Variants in PCDHA3 observed in about 807,000 individuals in gnomAD.
The protein encoded by PCDHA3 is protocadherin alpha 3.
In PCDHA3, 41 loss-of-function variants were observed where a neutral mutation model predicts 62.2. The observed-to-expected ratio is 0.66, with a 90% confidence interval of 0.51 to 0.86. The LOEUF (loss-of-function observed/expected upper bound fraction) is 0.86, where lower values mean the gene tolerates loss of function less well. PCDHA3 is among the 40% of genes least tolerant of loss of function. The pLI, the probability that PCDHA3 is intolerant of heterozygous loss-of-function variation, is 0.00. For missense variants in PCDHA3, 1,304 were observed against 1,241.2 expected (o/e 1.05, Z -0.76); for synonymous variants, 640 against 555.4 (o/e 1.15, Z -2.14).
At position 140,830,020 on chromosome 5, in the gene PCDHA3, G is replaced by C. The variant is rs2150179706; in HGVS notation, c.2394+26429G>C. On this transcript the variant is annotated intron_variant, in intron 1 of 3. Transcript: ENST00000522353. ...GTGTCCTGGACGAAGCGGACTCTCC[G>C]CGCCACCGGCTGCTGGTGCTGGTGA... 3 of 1,613,872 alleles carry C rather than the reference G, an allele frequency of 1.9e-6. No homozygotes were observed. The East Asian group carries it at 6.7e-5, about 36-fold the overall frequency.
At chr5:140,938,870 A>C (rs560302282) in intron 1 of PCDHA3, among the ~76,000 whole-genome samples, 1 of 152,264 alleles carries the variant, frequency 6.6e-6, no homozygotes, top group South Asian at 2.1e-4. Flanking sequence ...TTAAAAGTTA[A>C]GAAGCAACAC....
At chr5:140,882,361 C>T (rs2059095511) in intron 1 of PCDHA3, 1 of 1,614,204 alleles carries the variant, frequency 6.2e-7, no homozygotes, top group Non-Finnish European at 8.5e-7. Context: ...GTGGCCAGCT[C>T]CACTACTCCG....
intron 1 of PCDHA3, chr5:140,808,201 G>A (rs1351176150): frequency 6.2e-7 from 1 of 1,614,106 alleles, no homozygotes; most frequent in Non-Finnish European, 8.5e-7. Flanking sequence ...GAGTTATTGT[G>A]GAAGTAGAAG....
chr5:140,829,492 C>T, intron 1 of PCDHA3: 4 of 1,613,696 alleles, frequency 2.5e-6, no homozygotes, highest in Middle Eastern at 1.7e-4. Flanking sequence ...TGAAGGAGAA[C>T]AACCCGCCGG....
intron 1 of PCDHA3, chr5:140,809,021 C>T: frequency 6.2e-7 from 1 of 1,613,690 alleles, no homozygotes; most frequent in African/African-American, 1.3e-5. Context: ...GTACGAGCTG[C>T]AGCCGGGGAC....
chr5:140,981,726 T>C (rs1554243283), intron 2 of PCDHA3, among the ~76,000 whole-genome samples: 1 of 151,710 alleles, frequency 6.6e-6, no homozygotes, highest in Non-Finnish European at 1.5e-5. Context: ...CCAACAAATA[T>C]TTGAGAGATT....
rs1340764759 is a variant in PCDHA3 at position 140,803,797 on chromosome 5, C to T, written c.2394+206C>T. 5 of 806,578 alleles carry T rather than the reference C, an allele frequency of 6.2e-6. No homozygotes were observed. In the African/African-American group the frequency reaches 8.7e-5, roughly 14 times the overall value. 50.0% of individuals were successfully genotyped at this position (806,578 alleles called of 1,614,324 possible). ...TCAGCAGTAAGTTATGATATCCACA[C>T]TTGTAATTTTGTTTTGTTATTAGGT... On this transcript the variant is annotated intron_variant, in intron 1 of 3. Transcript: ENST00000522353.
chr5:140,826,367 T>A (rs1304038194), intron 1 of PCDHA3, among the ~76,000 whole-genome samples: 2 of 152,176 alleles, frequency 1.3e-5, no homozygotes, highest in African/African-American at 2.4e-5. Context: ...ATAACTGCAA[T>A]AGAAAGTCAG....
chr5:140,986,566 TTA>T (rs782155316), intron 3 of PCDHA3, among the ~76,000 whole-genome samples: 3 of 152,114 alleles, frequency 2.0e-5, no homozygotes, highest in Non-Finnish European at 4.4e-5. Context: ...TTGTTATCTG[TTA>T]TTGGTTTTTC....
intron 3 of PCDHA3, among the ~76,000 whole-genome samples, chr5:141,009,257 C>G (rs1375950001): frequency 6.6e-6 from 1 of 152,136 alleles, no homozygotes; most frequent in Non-Finnish European, 1.5e-5. Flanking sequence ...GTGTTTGAGA[C>G]CAGCCTGGGC....
chr5:140,919,038 C>A (rs2078983263), intron 1 of PCDHA3, among the ~76,000 whole-genome samples: 1 of 152,046 alleles, frequency 6.6e-6, no homozygotes, highest in Non-Finnish European at 1.5e-5. Context: ...TAGTTGTTGT[C>A]CATTATTGGA....
At chr5:140,846,565 G>A (rs1349132740) in intron 1 of PCDHA3, among the ~76,000 whole-genome samples, 1 of 147,896 alleles carries the variant, frequency 6.8e-6, no homozygotes, top group African/African-American at 2.5e-5. Flanking sequence ...TAGTAGAGTC[G>A]GGGTTTCACC....
chr5:140,890,192 T>G (rs2062533503), intron 1 of PCDHA3, among the ~76,000 whole-genome samples: 1 of 151,744 alleles, frequency 6.6e-6, no homozygotes, highest in South Asian at 2.1e-4. Flanking sequence ...CAAAACAGAG[T>G]TTTTTGTTTT....
intron 1 of PCDHA3, chr5:140,968,346 C>T: frequency 6.2e-7 from 1 of 1,614,090 alleles, no homozygotes. Flanking sequence ...ATTAACAGTG[C>T]CAGTGGCAGC....
intron 1 of PCDHA3, among the ~76,000 whole-genome samples, chr5:140,923,882 G>A (rs1261780966): frequency 6.6e-6 from 1 of 152,192 alleles, no homozygotes; most frequent in Non-Finnish European, 1.5e-5. Context: ...AGAAGCGTGT[G>A]AAAGAGGAGG....
intron 1 of PCDHA3, among the ~76,000 whole-genome samples, chr5:140,964,199 A>G (rs1183847716): frequency 1.3e-5 from 2 of 152,240 alleles, no homozygotes; most frequent in Non-Finnish European, 2.9e-5. Flanking sequence ...AGAGTATACC[A>G]TCTCTTTAGT....
intron 3 of PCDHA3, among the ~76,000 whole-genome samples, chr5:141,007,707 C>T (rs1027610738): frequency 6.6e-6 from 1 of 152,172 alleles, no homozygotes; most frequent in Non-Finnish European, 1.5e-5. Context: ...CCTCTGCCTC[C>T]CACCACCAGG....
chr5:140,842,127 C>T (rs2150329918), intron 1 of PCDHA3: 1 of 1,613,572 alleles, frequency 6.2e-7, no homozygotes, highest in Non-Finnish European at 8.5e-7. Flanking sequence ...GCTTCTGATC[C>T]GGATGAAGGA....
At chr5:140,887,048 A>G (rs997240150) in intron 1 of PCDHA3, among the ~76,000 whole-genome samples, 21 of 152,068 alleles carry the variant, frequency 1.4e-4, no homozygotes, top group Admixed American at 1.4e-3. Context: ...TTTATAGTGC[A>G]TATGTTCTGG....
Sources: gnomAD v4.1 joint callset for allele counts (sites outside exome capture counted in the v4.1 genomes callset) on GRCh38, gnomAD v4.1.1 for gene constraint, MANE v1.5 for transcripts, NCBI Gene and HGNC (gene_info 2026-07-23, HGNC 2026-07-21) for gene names.